RMDN2: variants seen among roughly 807,000 people sequenced by gnomAD.
The protein encoded by RMDN2 is regulator of microtubule dynamics 2, also known as regulator of microtubule dynamics protein 2.
Under a neutral mutation model 52.8 loss-of-function variants are expected in RMDN2, and 61 were observed. The ratio of observed to expected loss-of-function variants is 1.16; its 90% CI spans 0.94 to 1.43. RMDN2 has a LOEUF of 1.43. Ranked by LOEUF, RMDN2 falls within the 40% of genes most tolerant of loss-of-function variation. The probability of loss-of-function intolerance (pLI) is 0.00; values close to 1 mark genes in which losing one functional copy is unlikely to be tolerated. For synonymous variants in RMDN2, 180 were observed against 153.1 expected, an observed-to-expected ratio of 1.18 and a Z score of -1.30; for missense variants, 592 against 475.3, an observed-to-expected ratio of 1.25 and a Z score of -2.28.
At chr2:37,973,853 A>G (rs1461733900) in intron 2 of RMDN2, among the ~76,000 whole-genome samples, 187 bp from the exon 3 acceptor site, 1 of 152,120 alleles carries the variant, frequency 6.6e-6, no homozygotes, top group Non-Finnish European at 1.5e-5. Context: ...AGGTAACGAG[A>G]TCGTGGGCAA....
intron 2 of RMDN2, among the ~76,000 whole-genome samples, chr2:37,932,379 G>C (rs941703034): frequency 3.5e-4 from 53 of 151,936 alleles, no homozygotes; most frequent in Non-Finnish European, 5.9e-4. Flanking sequence ...AGGGTTGGGG[G>C]TAAGGTCACA....
chr2:37,988,394 T>G (rs1252183800), intron 5 of RMDN2, among the ~76,000 whole-genome samples: 1 of 152,174 alleles, frequency 6.6e-6, no homozygotes, highest in Non-Finnish European at 1.5e-5. Flanking sequence ...TTGTTTTTAG[T>G]ACGTTGATAT....
intron 2 of RMDN2, among the ~76,000 whole-genome samples, chr2:37,939,106 C>T (rs554048862): frequency 2.0e-5 from 3 of 152,230 alleles, no homozygotes; most frequent in East Asian, 1.9e-4. Flanking sequence ...TTTTTGTTCT[C>T]GTCGGTTTCA....
At chr2:38,014,135 C>T (rs564718100) in intron 10 of RMDN2, among the ~76,000 whole-genome samples, 22 of 152,190 alleles carry the variant, frequency 1.4e-4, no homozygotes, top group Admixed American at 1.2e-3. Flanking sequence ...TCTCTTGAAC[C>T]TGGGAGGCAG....
intron 5 of RMDN2, among the ~76,000 whole-genome samples, chr2:37,983,040 C>T (rs746418135): frequency 1.3e-5 from 2 of 152,068 alleles, no homozygotes; most frequent in Non-Finnish European, 2.9e-5. Context: ...CCTACTCTTC[C>T]TGTCTCTTAC....
At chr2:37,974,664 A>T (rs112259518) in intron 3 of RMDN2, 8,142 of 152,322 alleles carry the variant, frequency 0.053, 513 homozygotes, top group African/African-American at 0.16. Flanking sequence ...AAAATAAAAT[A>T]AAATTAAAAA....
chr2:37,957,446 T>C (rs896873147), intron 2 of RMDN2, among the ~76,000 whole-genome samples: 1 of 151,592 alleles, frequency 6.6e-6, no homozygotes, highest in African/African-American at 2.4e-5. Context: ...TGGCTGCTTT[T>C]AAGAAGTGTC....
chr2:37,947,210 A>G (rs1668292418), intron 2 of RMDN2, among the ~76,000 whole-genome samples: 1 of 152,072 alleles, frequency 6.6e-6, no homozygotes, highest in African/African-American at 2.4e-5. Flanking sequence ...CACCCTCCTG[A>G]GAAGTCTCCA....
intron 10 of RMDN2, among the ~76,000 whole-genome samples, chr2:38,010,567 G>T (rs1573078558): frequency 6.6e-6 from 1 of 152,186 alleles, no homozygotes; most frequent in African/African-American, 2.4e-5. Flanking sequence ...GAAAAGCGCA[G>T]TATTAGGGTG....
At chr2:37,942,610 C>T (rs1180906167) in intron 2 of RMDN2, among the ~76,000 whole-genome samples, 2 of 152,250 alleles carry the variant, frequency 1.3e-5, no homozygotes, top group Non-Finnish European at 2.9e-5. Flanking sequence ...TTTTAGCCAA[C>T]CTGATGAAGA....
chr2:37,984,540 AG>A (rs1365370337), intron 5 of RMDN2, among the ~76,000 whole-genome samples: 1 of 152,128 alleles, frequency 6.6e-6, no homozygotes, highest in Non-Finnish European at 1.5e-5. Context: ...AACAGAAACT[AG>A]AACCCAGTTT....
In RMDN2 at chr2:37,929,446, GA is replaced by G; in HGVS notation, c.172del (p.Ile58TyrfsTer9). ...ATTTAATTCAATAACTTTGCAAGAT[GA>G]AATACATGATGACCAAGGAACAACA... ...NTFNSITLQD[E>X]IHDDQGTTVI... On this transcript the variant is annotated frameshift_variant, in exon 2 of 11. Coordinates refer to ENST00000354545, the MANE Select transcript of RMDN2 (RefSeq NM_001170791.3). LOFTEE classifies it high-confidence loss of function. 1 of 1,551,650 alleles carries G rather than the reference GA, an allele frequency of 6.4e-7. No homozygotes were observed. The highest frequency in any genetic ancestry group is 8.7e-7 in the Non-Finnish European group (1 of 1,146,950).
chr2:37,977,109 A>G (rs1672577631), intron 4 of RMDN2, among the ~76,000 whole-genome samples: 1 of 152,146 alleles, frequency 6.6e-6, no homozygotes, highest in Admixed American at 6.5e-5. Context: ...ACCGCCCTTA[A>G]TCCATTTAAC....
chr2:37,973,884 C>T (rs551617971), intron 2 of RMDN2, among the ~76,000 whole-genome samples, 156 bp from the exon 3 acceptor site: 1 of 152,244 alleles, frequency 6.6e-6, no homozygotes, highest in East Asian at 1.9e-4. Context: ...GACTTGTAGA[C>T]TTCTGTTAGG....
chr2:37,976,940 G>C (rs545512511), intron 4 of RMDN2, among the ~76,000 whole-genome samples: 1 of 151,978 alleles, frequency 6.6e-6, no homozygotes, highest in East Asian at 1.9e-4. Context: ...GGGAAGGTCA[G>C]CAGATAAACA....
At chr2:37,965,690 C>T (rs1670948081) in intron 2 of RMDN2, among the ~76,000 whole-genome samples, 1 of 152,206 alleles carries the variant, frequency 6.6e-6, no homozygotes, top group East Asian at 1.9e-4. Flanking sequence ...TTTCCCATGT[C>T]TTTACCTTTA....
chr2:38,030,835 G>A (rs1029883831), intron 10 of RMDN2: 2 of 152,188 alleles, frequency 1.3e-5, no homozygotes, highest in Non-Finnish European at 2.9e-5. Context: ...CCTGCACAGC[G>A]AGAAAATAAC....
chr2:38,006,388 G>C (rs1294061849), intron 10 of RMDN2, among the ~76,000 whole-genome samples: 1 of 152,160 alleles, frequency 6.6e-6, no homozygotes, highest in African/African-American at 2.4e-5. Flanking sequence ...TTGGAGCAGT[G>C]GTTTGTAGTT....
In RMDN2 at chr2:37,989,623, C is replaced by CT. The variant is rs112425530; in HGVS notation, c.867+19dup. 216,213 of 1,179,254 alleles carry CT rather than the reference C, an allele frequency of 0.18. 2,570 individuals are homozygous for CT. The highest frequency in any genetic ancestry group is 0.24 in the South Asian group (15,031 of 62,366). 73.0% of individuals were successfully genotyped at this position (1,179,254 alleles called of 1,614,324 possible). ...CTATGGGCACCTCTTCAAGGTATTT[C>CT]TTTTTTTTTTTTCATATTTCTTTTC... On this transcript the variant is annotated splice_region_variant and intron_variant, in intron 6 of 10. Coordinates refer to ENST00000354545, the MANE Select transcript of RMDN2 (RefSeq NM_001170791.3).
Sources: gnomAD v4.1 joint callset for allele counts (sites outside exome capture counted in the v4.1 genomes callset) on GRCh38, gnomAD v4.1.1 for gene constraint, MANE v1.5 for transcripts, NCBI Gene and HGNC (gene_info 2026-07-23, HGNC 2026-07-21) for gene names.